PPP4R4: variants seen among roughly 807,000 people sequenced by gnomAD.
PPP4R4 encodes the protein serine/threonine-protein phosphatase 4 regulatory subunit 4.
PPP4R4 carries 70 observed loss-of-function variants against 121.8 expected under a neutral mutation model. The ratio of observed to expected loss-of-function variants is 0.57; its 90% CI spans 0.47 to 0.70. The LOEUF (loss-of-function observed/expected upper bound fraction) is 0.70. PPP4R4 is among the 30% of genes least tolerant of loss of function. The pLI, the probability that PPP4R4 is intolerant of heterozygous loss-of-function variation, is 0.00. For synonymous variants in PPP4R4, 348 were observed against 355.7 expected, an observed-to-expected ratio of 0.98 and a Z score of 0.24; for missense variants, 875 against 1,033.6, an observed-to-expected ratio of 0.85 and a Z score of 2.10.
At chr14:94,188,973 ATAAC>A (rs1889446819) in intron 2 of PPP4R4, among the ~76,000 whole-genome samples, 1 of 152,174 alleles carries the variant, frequency 6.6e-6, no homozygotes, top group African/African-American at 2.4e-5. Context: ...TTATTTTAGA[ATAAC>A]TAGAGGACTG....
intron 2 of PPP4R4, among the ~76,000 whole-genome samples, chr14:94,205,988 T>A (rs1228296315): frequency 6.6e-6 from 1 of 152,012 alleles, no homozygotes; most frequent in African/African-American, 2.4e-5. Context: ...TAAATCTTGG[T>A]TGATGGTATT....
intron 23 of PPP4R4, among the ~76,000 whole-genome samples, chr14:94,270,980 A>C (rs573413126): frequency 6.6e-6 from 1 of 152,104 alleles, no homozygotes; most frequent in African/African-American, 2.4e-5. Flanking sequence ...CAGAAGAAGA[A>C]ATAGACAATC....
intron 23 of PPP4R4, among the ~76,000 whole-genome samples, chr14:94,273,675 C>CGG (rs999554155): frequency 3.4e-4 from 51 of 152,100 alleles, no homozygotes; most frequent in African/African-American, 1.2e-3. Flanking sequence ...TGGTGGGAGA[C>CGG]ATTGAAGTTG....
chr14:94,277,092 A>AGTTTGAG lies in PPP4R4; in HGVS notation c.2598-1526_2598-1520dup, dbSNP rs1316084969. On this transcript the variant is annotated intron_variant, in intron 24 of 24. Transcript: ENST00000304338. ...GGCAGGTGGATCATCTGAGGTCAGGAGTTTGAGACCAGCCTGGCCAACATG... is the reference window on the plus strand; with the variant it reads ...GGCAGGTGGATCATCTGAGGTCAGGAGTTTGAGGTTTGAGACCAGCCTGGCCAACATG... Among the ~76,000 whole-genome samples the AGTTTGAG allele has an allele frequency of 2.0e-5, 3 of 152,296 alleles. No individual in the cohort carries two copies. In the East Asian group the frequency reaches 5.8e-4, roughly 29 times the overall value.
At position 94,270,947 on chromosome 14, in the gene PPP4R4, A is replaced by C. The variant is rs202166812; in HGVS notation, c.2449+3918A>C. 1.9e-3 allele frequency among the ~76,000 whole-genome samples: 291 copies of C among 152,024 alleles called. 3 individuals are homozygous for C. The South Asian group carries it at 0.029, about 15-fold the overall frequency. Reference sequence around the variant, plus strand: ...AAAAAAACAACAACAACAACAACAAAAAAAGACTCAATTCAAAACTCACAG... The same window carrying C: ...AAAAAAACAACAACAACAACAACAACAAAAGACTCAATTCAAAACTCACAG... On this transcript the variant is annotated intron_variant, in intron 23 of 24. Transcript: ENST00000304338.
intron 2 of PPP4R4, among the ~76,000 whole-genome samples, chr14:94,185,422 G>A (rs1567103489): frequency 6.6e-6 from 1 of 152,214 alleles, no homozygotes; most frequent in Non-Finnish European, 1.5e-5. Context: ...TGGGAGGATC[G>A]CTTGCGCTCA....
In PPP4R4 at chr14:94,246,466, T is replaced by TGCCA. The variant is rs1566687028; in HGVS notation, c.1539_1542dup (p.His515AlafsTer25). On this transcript the variant is annotated frameshift_variant, in exon 14 of 25. Transcript: ENST00000304338. LOFTEE classifies it high-confidence loss of function. ...AAGCTACTTCAGAAATATGCCTGCC[T>TGCCA]GCCACATGTCATATCAAGCGATCAG... The TGCCA allele has an allele frequency of 6.2e-7, 1 of 1,614,068 alleles. No individual in the cohort carries two copies.
At position 94,278,751 on chromosome 14, in the gene PPP4R4, T is replaced by A; in HGVS notation, c.*108T>A. On this transcript the variant is annotated 3_prime_UTR_variant, in exon 25 of 25. Transcript: ENST00000304338. The stretch of plus-strand genomic sequence containing the variant: ...GCTTTGTTTTTAAATTTTGGGTTTT[T>A]TTTTTTGTTGTTGTTAATGAGCAGA... 8.5e-7 allele frequency: 1 copy of A among 1,170,396 alleles called. No homozygotes were observed. The highest frequency in any genetic ancestry group is 1.1e-6 in the Non-Finnish European group (1 of 871,734). 72.5% of individuals were successfully genotyped at this position (1,170,396 alleles called of 1,614,324 possible).
intron 24 of PPP4R4, 74 bp downstream of exon 24, chr14:94,275,595 A>G: frequency 6.7e-7 from 1 of 1,500,430 alleles, no homozygotes; most frequent in Non-Finnish European, 9.2e-7. Context: ...TTCCCACTTA[A>G]GTACTTTCCA....
intron 2 of PPP4R4, among the ~76,000 whole-genome samples, chr14:94,178,645 A>G (rs1888808194): frequency 6.6e-6 from 1 of 152,136 alleles, no homozygotes; most frequent in Admixed American, 6.5e-5. Flanking sequence ...CATTTTCACA[A>G]TTAAGTTTAG....
intron 16 of PPP4R4, among the ~76,000 whole-genome samples, chr14:94,252,475 C>A (rs1893240297): frequency 6.6e-6 from 1 of 151,984 alleles, no homozygotes; most frequent in African/African-American, 2.4e-5. Context: ...TCCTTTTTCT[C>A]TCCAAAAGAG....
At chr14:94,261,105 C>T (rs141618101) in intron 19 of PPP4R4, among the ~76,000 whole-genome samples, 7 of 152,204 alleles carry the variant, frequency 4.6e-5, no homozygotes, top group African/African-American at 1.4e-4. Flanking sequence ...ACATATGTGT[C>T]TATTTCTTGA....
Position 94,176,160 on chromosome 14 carries a change from C to T in PPP4R4, c.191+33C>T, listed in dbSNP as rs762697654. ...CTAGTCTTTCTGTGAAATTGCTCTT[C>T]TTTTTTCCCTGTGCAGCAGAGATGA... On this transcript the variant is annotated intron_variant, in intron 2 of 24. Coordinates refer to ENST00000304338, the MANE Select transcript of PPP4R4 (RefSeq NM_058237.2). 7.2e-6 allele frequency: 11 copies of T among 1,527,598 alleles called. No individual in the cohort carries two copies. In the African/African-American group the frequency reaches 1.5e-4, roughly 21 times the overall value. The allele number at this position is 1,527,598 out of a possible 1,614,324, so 94.6% of individuals were successfully genotyped here.
intron 4 of PPP4R4, 135 bp from the exon 5 acceptor site, chr14:94,231,102 ATAGAG>A: frequency 1.5e-6 from 1 of 666,276 alleles, no homozygotes; most frequent in Non-Finnish European, 2.4e-6. Context: ...AGACAAAATA[ATAGAG>A]AAACTTTTTA....
chr14:94,266,848 C>A (rs1894077416), intron 22 of PPP4R4, 111 bp from the exon 23 acceptor site: 1 of 699,700 alleles, frequency 1.4e-6, no homozygotes, highest in Non-Finnish European at 2.4e-6. Flanking sequence ...ACAAACGTTT[C>A]ATAAGTAGAG....
chr14:94,259,468 A>G, intron 19 of PPP4R4, 99 bp downstream of exon 19: 1 of 1,348,062 alleles, frequency 7.4e-7, no homozygotes, highest in Non-Finnish European at 9.6e-7. Flanking sequence ...ACCATTTCAC[A>G]TTACTCTTTT....
intron 16 of PPP4R4, 30 bp from the exon 17 acceptor site, chr14:94,256,430 C>G (rs1290009816): frequency 2.0e-6 from 3 of 1,510,654 alleles, no homozygotes; most frequent in Non-Finnish European, 2.7e-6. Flanking sequence ...TTATTAACTT[C>G]ACTCAAGAGT....
intron 23 of PPP4R4, among the ~76,000 whole-genome samples, chr14:94,270,831 T>C (rs1018561871): frequency 4.0e-5 from 6 of 151,422 alleles, no homozygotes; most frequent in Non-Finnish European, 8.8e-5. Flanking sequence ...GACAGGAGAA[T>C]CGCTTGAACC....
At chr14:94,185,674 A>G (rs1034472551) in intron 2 of PPP4R4, among the ~76,000 whole-genome samples, 21 of 152,222 alleles carry the variant, frequency 1.4e-4, no homozygotes, top group Non-Finnish European at 2.9e-4. Context: ...TTAGGAACAT[A>G]TTTTACTTTG....
Sources: gnomAD v4.1 joint callset for allele counts (sites outside exome capture counted in the v4.1 genomes callset) on GRCh38, gnomAD v4.1.1 for gene constraint, MANE v1.5 for transcripts, NCBI Gene and HGNC (gene_info 2026-07-23, HGNC 2026-07-21) for gene names.